The following CYFIP1 variants were observed in gnomAD, a reference collection of about 807,000 sequenced individuals.
CYFIP1 encodes the protein cytoplasmic FMR1 interacting protein 1.
Under a neutral mutation model 163.5 loss-of-function variants are expected in CYFIP1, and 58 were observed. The ratio of observed to expected loss-of-function variants is 0.35; its 90% CI spans 0.29 to 0.44. CYFIP1 has a LOEUF of 0.44. Among genes scored for constraint, CYFIP1 ranks in the 20% least tolerant of loss-of-function variants. CYFIP1 has a pLI of 1.00. For missense variants in CYFIP1, 1,338 were observed against 1,653.8 expected (o/e 0.81, Z 3.31); for synonymous variants, 663 against 660.7 (o/e 1.00, Z -0.05).
chr15:22,939,717 C>T (rs527739149), intron 6 of CYFIP1, among the ~76,000 whole-genome samples: 4 of 152,250 alleles, frequency 2.6e-5, no homozygotes, highest in South Asian at 4.1e-4. Context: ...CCAACTTAGA[C>T]GTGTCTTGCA....
At chr15:22,979,510 T>C (rs1357346401) in intron 1 of CYFIP1, among the ~76,000 whole-genome samples, 1 of 152,074 alleles carries the variant, frequency 6.6e-6, no homozygotes, top group African/African-American at 2.4e-5. Context: ...CTGGGCTCAA[T>C]CAGCAGCCGC....
chr15:22,935,739 T>C (rs150153691), intron 9 of CYFIP1, among the ~76,000 whole-genome samples: 2 of 152,194 alleles, frequency 1.3e-5, no homozygotes, highest in South Asian at 2.1e-4. Flanking sequence ...TAACAATGCA[T>C]TGAATGCTTA....
chr15:22,871,361 G>A (rs2059428952), intron 30 of CYFIP1, among the ~76,000 whole-genome samples: 1 of 152,208 alleles, frequency 6.6e-6, no homozygotes, highest in African/African-American at 2.4e-5. Context: ...TTACCAAGAA[G>A]ATTTGAAGAA....
chr15:22,957,437 C>T (rs144088867), intron 1 of CYFIP1, among the ~76,000 whole-genome samples: 6,193 of 152,204 alleles, frequency 0.041, 324 homozygotes, highest in Admixed American at 0.16. Flanking sequence ...GAGATCAAGA[C>T]CATCCTAGCT....
Position 22,872,822 on chromosome 15 carries a change from T to C in CYFIP1, c.3597+3A>G, listed in dbSNP as rs1321521648. On this transcript the variant is annotated splice_donor_region_variant and intron_variant, in intron 30 of 30. Transcript: ENST00000617928. ...AGATGGTGCGAGATTTTCATCCACA[T>C]ACCACATTTTTAATAATCTCATCTT... 6.2e-7 allele frequency: 1 copy of C among 1,613,752 alleles called. No homozygotes were observed. Among genetic ancestry groups the C allele is most frequent in the African/African-American group, 1.3e-5 (1 of 74,914 alleles).
At chr15:22,904,644 C>T (rs913625265) in intron 21 of CYFIP1, 3 of 152,268 alleles carry the variant, frequency 2.0e-5, no homozygotes, top group Admixed American at 6.5e-5. Context: ...TTTCAAATTA[C>T]GGATCTGACT....
chr15:22,873,081 G>A, intron 29 of CYFIP1, 109 bp from the exon 30 acceptor site: 1 of 1,230,214 alleles, frequency 8.1e-7, no homozygotes, highest in Non-Finnish European at 1.1e-6. Flanking sequence ...TACTGTCTGT[G>A]CCTACACAGT....
intron 20 of CYFIP1, among the ~76,000 whole-genome samples, chr15:22,910,218 T>C (rs1390561856): frequency 6.6e-6 from 1 of 152,090 alleles, no homozygotes; most frequent in Non-Finnish European, 1.5e-5. Context: ...TGGAGTGCAG[T>C]GGTGCAATCT....
In CYFIP1 at chr15:22,932,270, CCTCGCGGATCTGGATCATCTG is replaced by C; in HGVS notation, c.1042_1062del (p.Gln348_Glu354del). 1 of 1,613,298 alleles carries C rather than the reference CCTCGCGGATCTGGATCATCTG, an allele frequency of 6.2e-7. No individual in the cohort carries two copies. The highest frequency in any genetic ancestry group is 8.5e-7 in the Non-Finnish European group (1 of 1,179,696). ...AGCTCCGAAATGAAGCGCATGTGGTCCTCGCGGATCTGGATCATCTGCTCGCAGATGTTGTACTGAGGGCTG... is the reference window on the plus strand; with the variant it reads ...AGCTCCGAAATGAAGCGCATGTGGTCCTCGCAGATGTTGTACTGAGGGCTG... On this transcript the variant is annotated inframe_deletion, in exon 11 of 31. Transcript: ENST00000617928.
rs1261108079 is a variant in CYFIP1, at chr15:22,867,598, G to GTACTT, written c.*2425_*2429dup. On this transcript the variant is annotated 3_prime_UTR_variant, in exon 31 of 31. Coordinates refer to ENST00000617928, the MANE Select transcript of CYFIP1 (RefSeq NM_014608.6). The stretch of plus-strand genomic sequence containing the variant: ...TGATTACCGTTTTACATCAGCTCTT[G>GTACTT]TACTTTTCAGTATATTTTCATAATG... The GTACTT allele has an allele frequency of 5.9e-6, 1 of 170,346 alleles. No homozygotes were observed. The highest frequency in any genetic ancestry group is 1.2e-5 in the Non-Finnish European group (1 of 80,554). The allele number at this position is 170,346 out of a possible 1,614,324, so 10.6% of individuals were successfully genotyped here. A position where few individuals can be genotyped will look rare whatever the true frequency, so the allele number is the denominator to read the frequency against.
At chr15:22,970,224 T>C (rs1365471234) in intron 1 of CYFIP1, among the ~76,000 whole-genome samples, 1 of 152,062 alleles carries the variant, frequency 6.6e-6, no homozygotes, top group Non-Finnish European at 1.5e-5. Context: ...CAAGTTTCAA[T>C]TTAAAAAAAT....
chr15:22,888,288 G>A (rs1408358569), intron 23 of CYFIP1, among the ~76,000 whole-genome samples: 1 of 152,158 alleles, frequency 6.6e-6, no homozygotes, highest in Non-Finnish European at 1.5e-5. Flanking sequence ...AGTGCACGTG[G>A]CATATGTGAG....
intron 22 of CYFIP1, among the ~76,000 whole-genome samples, chr15:22,901,682 G>A (rs1027666369): frequency 6.6e-6 from 1 of 152,192 alleles, no homozygotes; most frequent in Admixed American, 6.5e-5. Flanking sequence ...CTCACTAACC[G>A]GAAGTTAGGC....
chr15:22,927,251 G>C (rs865777522), intron 12 of CYFIP1, among the ~76,000 whole-genome samples: 2 of 151,904 alleles, frequency 1.3e-5, no homozygotes, highest in Non-Finnish European at 2.9e-5. Flanking sequence ...AGACTGAGGC[G>C]GGTAGTTCAC....
chr15:22,876,784 T>C (rs1479652609), intron 26 of CYFIP1, among the ~76,000 whole-genome samples: 1 of 151,918 alleles, frequency 6.6e-6, no homozygotes, highest in Non-Finnish European at 1.5e-5. Context: ...TGAGTCAAGA[T>C]TGTGCCACTG....
chr15:22,908,632 G>A (rs538152453), intron 21 of CYFIP1, among the ~76,000 whole-genome samples: 1 of 140,072 alleles, frequency 7.1e-6, no homozygotes, highest in East Asian at 2.2e-4. Flanking sequence ...GGATTCAAGC[G>A]ATTCTCCTGC....
chr15:22,978,996 TAAAATA>T (rs1280347726), intron 1 of CYFIP1, among the ~76,000 whole-genome samples: 1 of 152,176 alleles, frequency 6.6e-6, no homozygotes, highest in African/African-American at 2.4e-5. Context: ...ACTAAAAGTT[TAAAATA>T]AATTTAAACA....
chr15:22,894,828 A>G (rs986221386), intron 22 of CYFIP1, among the ~76,000 whole-genome samples: 2 of 147,252 alleles, frequency 1.4e-5, no homozygotes, highest in Non-Finnish European at 3.0e-5. Flanking sequence ...AATTATATAT[A>G]TACATTTATA....
In CYFIP1 at chr15:22,879,979, C is replaced by T; in HGVS notation, c.2976G>A (p.Val992=). ...CCACCTCCCGCAGGTTCTGGAAGCA[C>T]ACCGTCTTCAGCTCTGCGTACTCCA... The part of the protein sequence containing the change: ...DIVEYAELKT[V]CFQNLREVGN... Residue 992 remains valine, a synonymous_variant, in exon 26 of 31, where the codon GTG becomes GTA. Transcript: ENST00000617928. The T allele has an allele frequency of 6.2e-7, 1 of 1,614,016 alleles. No homozygotes were observed. The highest frequency in any genetic ancestry group is 1.1e-5 in the South Asian group (1 of 91,082).
Sources: gnomAD v4.1 joint callset for allele counts (sites outside exome capture counted in the v4.1 genomes callset) on GRCh38, gnomAD v4.1.1 for gene constraint, MANE v1.5 for transcripts, NCBI Gene and HGNC (gene_info 2026-07-23, HGNC 2026-07-21) for gene names.